The following PIK3C3 variants were observed in gnomAD, a reference collection of about 807,000 sequenced individuals.
The protein encoded by PIK3C3 is PI3-kinase type 3.
A neutral mutation model predicts 126.1 loss-of-function variants in PIK3C3; 95 were observed. The ratio of observed to expected loss-of-function variants is 0.75; its 90% CI spans 0.64 to 0.89. PIK3C3 has a LOEUF of 0.89. Among genes scored for constraint, PIK3C3 ranks in the 40% least tolerant of loss-of-function variants. The pLI is 0.00. For synonymous variants in PIK3C3, 374 were observed against 360.0 expected (o/e 1.04, Z -0.44); for missense variants, 829 against 1,063.2 (o/e 0.78, Z 3.06).
intron 10 of PIK3C3, among the ~76,000 whole-genome samples, chr18:42,010,018 G>T (rs566286398): frequency 9.2e-4 from 140 of 152,192 alleles, no homozygotes; most frequent in African/African-American, 3.2e-3. Flanking sequence ...TTTCACAAAA[G>T]ATTTGTCTGC....
intron 11 of PIK3C3, among the ~76,000 whole-genome samples, chr18:42,014,266 T>C (rs1982970991): frequency 6.6e-6 from 1 of 150,700 alleles, no homozygotes; most frequent in African/African-American, 2.4e-5. Context: ...AGCATGCTAG[T>C]GAGCTCAAAT....
intron 4 of PIK3C3, among the ~76,000 whole-genome samples, chr18:41,974,880 A>G (rs1980837196): frequency 1.3e-5 from 2 of 152,258 alleles, no homozygotes; most frequent in South Asian, 2.1e-4. Flanking sequence ...GTCTTTAGAC[A>G]TGAAAGGTTA....
rs151331432 is a variant in PIK3C3, at chr18:42,048,982, C to T, written c.2189-549C>T. On this transcript the variant is annotated intron_variant, in intron 20 of 24. Transcript: ENST00000262039. ...AGAATAAAAAGATAACAGAATACAG[C>T]TAGAGCCAATGTCTTTGCCTTTAGC... Among the ~76,000 whole-genome samples, 89 of 152,254 alleles carry T rather than the reference C, an allele frequency of 5.8e-4. 1 individual carries two copies. The highest frequency in any genetic ancestry group is 2.0e-3 in the African/African-American group (85 of 41,568).
intron 23 of PIK3C3, 149 bp downstream of exon 23, chr18:42,064,979 G>A (rs549541321): frequency 1.9e-6 from 1 of 534,874 alleles, no homozygotes; most frequent in Non-Finnish European, 3.4e-6. Flanking sequence ...CATCTGGAGA[G>A]ACAGTTTGCT....
intron 7 of PIK3C3, among the ~76,000 whole-genome samples, chr18:41,994,580 C>T (rs1444326178): frequency 6.6e-6 from 1 of 151,926 alleles, no homozygotes; most frequent in East Asian, 1.9e-4. Flanking sequence ...AGAAATACAT[C>T]CAAGTATGCA....
intron 21 of PIK3C3, among the ~76,000 whole-genome samples, chr18:42,057,068 C>G (rs539754405): frequency 7.3e-6 from 1 of 136,570 alleles, no homozygotes; most frequent in African/African-American, 2.7e-5. Flanking sequence ...ACCCCCCCCC[C>G]CGTGTTGACA....
intron 10 of PIK3C3, among the ~76,000 whole-genome samples, chr18:42,012,596 C>T (rs1035404546): frequency 2.6e-5 from 4 of 152,072 alleles, no homozygotes; most frequent in African/African-American, 9.7e-5. Context: ...AAAGTACATA[C>T]TTGTGAAGAG....
In PIK3C3 at chr18:41,990,583, C is replaced by T. The variant is rs766853263; in HGVS notation, c.714+29C>T. The T allele has an allele frequency of 2.2e-5, 27 of 1,203,592 alleles. No homozygotes were observed. In the Admixed American group the frequency reaches 4.0e-4, roughly 18 times the overall value. The allele number at this position is 1,203,592 out of a possible 1,614,324, so 74.6% of individuals were successfully genotyped here. A position where few individuals can be genotyped will look rare whatever the true frequency, so the allele number is the denominator to read the frequency against. On this transcript the variant is annotated intron_variant, in intron 6 of 24. Coordinates refer to ENST00000262039, the MANE Select transcript of PIK3C3 (RefSeq NM_002647.4). Reference sequence around the variant, plus strand: ...TTTCCCTTGGAACTGTTTTTGGTCTCTAAAGTAGAGGGGAGAGGAAACATT... The same window carrying T: ...TTTCCCTTGGAACTGTTTTTGGTCTTTAAAGTAGAGGGGAGAGGAAACATT...
chr18:41,993,994 GT>G (rs1981906863), intron 7 of PIK3C3, among the ~76,000 whole-genome samples: 1 of 152,124 alleles, frequency 6.6e-6, no homozygotes, highest in South Asian at 2.1e-4. Context: ...GATTTTTGCA[GT>G]TACAGCTCAT....
Position 42,049,580 on chromosome 18 carries a change from G to A in PIK3C3, c.2238G>A (p.Leu746=). 6.2e-7 allele frequency: 1 copy of A among 1,613,330 alleles called. No individual in the cohort carries two copies. Among genetic ancestry groups the A allele is most frequent in the South Asian group, 1.1e-5 (1 of 91,060 alleles). The change falls in exon 21 of 25, where the codon CTG becomes CTA. Residue 746 remains leucine (L), a synonymous_variant. Coordinates refer to ENST00000262039, the MANE Select transcript of PIK3C3 (RefSeq NM_002647.4). The stretch of plus-strand genomic sequence containing the variant: ...TACTTGGAGTTGGAGACAGGCACCT[G>A]GATAACCTTTTGCTAACAAAAACAG... ...TYILGVGDRH[L]DNLLLTKTGK...
intron 22 of PIK3C3, among the ~76,000 whole-genome samples, chr18:42,064,538 G>A (rs1182069743): frequency 1.3e-5 from 2 of 152,146 alleles, no homozygotes; most frequent in Non-Finnish European, 2.9e-5. Flanking sequence ...GTAGGATTTA[G>A]AAATGGTGTT....
At chr18:42,003,569 A>T (rs1261149894) in intron 9 of PIK3C3, among the ~76,000 whole-genome samples, 1 of 152,078 alleles carries the variant, frequency 6.6e-6, no homozygotes, top group African/African-American at 2.4e-5. Context: ...GAGCCACCAC[A>T]CCTGGCCAAG....
At chr18:42,020,496 T>C (rs1312069678) in intron 12 of PIK3C3, 142 bp from the exon 13 acceptor site, 1 of 578,898 alleles carries the variant, frequency 1.7e-6, no homozygotes, top group Non-Finnish European at 3.1e-6. Context: ...TATGTATGTA[T>C]GTAAGGATAG....
rs368189882 is a variant in PIK3C3, at chr18:42,058,064, G to C, written c.2432+13G>C. The C allele has an allele frequency of 2.1e-5, 33 of 1,553,538 alleles. No individual in the cohort carries two copies. The highest frequency in any genetic ancestry group is 2.4e-5 in the Non-Finnish European group (28 of 1,154,250). ...TCCACCTGCGAAGGTAAGTTGATTT[G>C]CTTGGCACAGAGAATTTGGGTAAAT... On this transcript the variant is annotated intron_variant, in intron 22 of 24. Transcript: ENST00000262039.
intron 10 of PIK3C3, among the ~76,000 whole-genome samples, chr18:42,012,689 G>A (rs1043442750): frequency 2.6e-5 from 4 of 152,066 alleles, no homozygotes; most frequent in Admixed American, 2.6e-4. Flanking sequence ...TTATTATTAA[G>A]GGAAAACTCA....
In PIK3C3 at chr18:41,983,356, CT is replaced by C. The variant is rs1015141998; in HGVS notation, c.532-4444del. ...GGGAAGAGTGACCAAGGGCAGGAAT[CT>C]TTTTTTTTTTTCTCTCTCCAGCTTC... On this transcript the variant is annotated intron_variant, in intron 4 of 24. Transcript: ENST00000262039. 3.5e-3 allele frequency among the ~76,000 whole-genome samples: 516 copies of C among 145,850 alleles called. 1 individual carries two copies. Among genetic ancestry groups the C allele is most frequent in the Admixed American group, 5.4e-3 (78 of 14,570 alleles).
intron 24 of PIK3C3, among the ~76,000 whole-genome samples, chr18:42,076,101 TATATATATATATATATATATGC>T (rs1568013399): frequency 3.2e-4 from 23 of 72,846 alleles, no homozygotes; most frequent in Admixed American, 6.3e-4. Flanking sequence ...TATATATATA[TATATATATATATATATATATGC>T]GCATATATAT....
At chr18:41,976,728 G>A (rs1980940229) in intron 4 of PIK3C3, among the ~76,000 whole-genome samples, 1 of 152,312 alleles carries the variant, frequency 6.6e-6, no homozygotes, top group African/African-American at 2.4e-5. Flanking sequence ...CAAATACTGA[G>A]CACTAATAAA....
At position 42,038,748 on chromosome 18, in the gene PIK3C3, T is replaced by C. The variant is rs776740505; in HGVS notation, c.1969-33T>C. ...AAACTGTCTTTTAACAGTCTTTACA[T>C]TTGGTTAATATATTTTACCTTTTGA... On this transcript the variant is annotated intron_variant, in intron 17 of 24. Coordinates refer to ENST00000262039, the MANE Select transcript of PIK3C3 (RefSeq NM_002647.4). 1.1e-5 allele frequency: 15 copies of C among 1,341,220 alleles called. 1 individual carries two copies. In the South Asian group the frequency reaches 1.8e-4, roughly 16 times the overall value. 83.1% of individuals were successfully genotyped at this position (1,341,220 alleles called of 1,614,324 possible).
Sources: gnomAD v4.1 joint callset for allele counts (sites outside exome capture counted in the v4.1 genomes callset) on GRCh38, gnomAD v4.1.1 for gene constraint, MANE v1.5 for transcripts, NCBI Gene and HGNC (gene_info 2026-07-23, HGNC 2026-07-21) for gene names.